SRPK1: variants seen among roughly 807,000 people sequenced by gnomAD.
SRPK1 encodes SRSF protein kinase 1.
Under a neutral mutation model 89.5 loss-of-function variants are expected in SRPK1, and 52 were observed. That is an observed-to-expected ratio of 0.58 (90% CI 0.46 to 0.73). SRPK1 has a LOEUF of 0.73. Among genes scored for constraint, SRPK1 ranks in the 30% least tolerant of loss-of-function variants. SRPK1 has a pLI of 0.00. For missense variants in SRPK1, 603 were observed against 780.6 expected (o/e 0.77, Z 2.71); for synonymous variants, 255 against 270.2 (o/e 0.94, Z 0.55).
At chr6:35,904,708 A>G (rs2127265317) in intron 2 of SRPK1, among the ~76,000 whole-genome samples, 1 of 152,272 alleles carries the variant, frequency 6.6e-6, no homozygotes, top group Middle Eastern at 3.4e-3. Context: ...CTAAGGCAGG[A>G]GAACTGCTTG....
At chr6:35,911,106 T>C (rs1770951747) in intron 2 of SRPK1, among the ~76,000 whole-genome samples, 1 of 152,248 alleles carries the variant, frequency 6.6e-6, no homozygotes, top group African/African-American at 2.4e-5. Context: ...AGGCAATAGC[T>C]ACCATAGTGA....
chr6:35,889,914 C>T (rs558856403), intron 3 of SRPK1, among the ~76,000 whole-genome samples: 48 of 148,514 alleles, frequency 3.2e-4, no homozygotes, highest in Non-Finnish European at 5.7e-4. Context: ...CTGGCTAACA[C>T]GGTGAAACCC....
rs375593671 is a variant in SRPK1, at chr6:35,885,779, T to C, written c.478+945A>G. Among the ~76,000 whole-genome samples the C allele has an allele frequency of 4.9e-4, 74 of 152,358 alleles. 2 individuals carry two copies. In the South Asian group the frequency reaches 0.013, roughly 27 times the overall value. On this transcript the variant is annotated intron_variant, in intron 6 of 15. Transcript: ENST00000373825. Reference sequence around the variant, plus strand: ...TGATTGACCTTTATAAGCACAGCTGTTGCAATAACCTTTCCATTAGCTCAC... The same window carrying C: ...TGATTGACCTTTATAAGCACAGCTGCTGCAATAACCTTTCCATTAGCTCAC...
At chr6:35,855,985 C>T (rs1769657220) in intron 13 of SRPK1, among the ~76,000 whole-genome samples, 1 of 137,322 alleles carries the variant, frequency 7.3e-6, no homozygotes, top group African/African-American at 2.5e-5. Flanking sequence ...CCTTGGCCTC[C>T]CAAAGTGCTG....
chr6:35,897,304 A>G (rs1414257029), intron 2 of SRPK1, among the ~76,000 whole-genome samples: 1 of 152,242 alleles, frequency 6.6e-6, no homozygotes, highest in South Asian at 2.1e-4. Flanking sequence ...CAAGTGAACT[A>G]TATCTTCCTC....
intron 15 of SRPK1, among the ~76,000 whole-genome samples, chr6:35,836,147 T>G (rs1769173902): frequency 6.6e-6 from 1 of 152,164 alleles, no homozygotes; most frequent in African/African-American, 2.4e-5. Flanking sequence ...CCACCTCCTG[T>G]CAGCTCAGTG....
intron 2 of SRPK1, among the ~76,000 whole-genome samples, chr6:35,892,208 G>A (rs1258729580): frequency 6.6e-6 from 1 of 152,100 alleles, no homozygotes; most frequent in African/African-American, 2.4e-5. Flanking sequence ...ATTTTATAAT[G>A]CATTAAAAAT....
chr6:35,852,130 C>T (rs9470138), intron 13 of SRPK1, among the ~76,000 whole-genome samples: 47,907 of 151,984 alleles, frequency 0.32, 7,785 homozygotes, highest in South Asian at 0.42. Flanking sequence ...AACTATAACT[C>T]CATCATTCCT....
chr6:35,908,112 G>A (rs1011859490), intron 2 of SRPK1, among the ~76,000 whole-genome samples: 1 of 152,144 alleles, frequency 6.6e-6, no homozygotes, highest in African/African-American at 2.4e-5. Flanking sequence ...CCGGTCTCAG[G>A]TAGTATTCTT....
Position 35,875,110 on chromosome 6 carries a change from C to T in SRPK1, c.479-771G>A, listed in dbSNP as rs79615816. Among the ~76,000 whole-genome samples the T allele has an allele frequency of 4.9e-4, 74 of 152,278 alleles. 1 individual carries two copies. In the East Asian group the frequency reaches 0.012, roughly 25 times the overall value. ...ATTCTCCATTAAAGGAAAGCCTGAG[C>T]TCCTTGGAAAAATGGCCAAATCCAA... On this transcript the variant is annotated intron_variant, in intron 6 of 15. Transcript: ENST00000373825.
In SRPK1 at chr6:35,853,010, T is replaced by C. The variant is rs540294659; in HGVS notation, c.1620+4251A>G. ...ATTCCAGTGCTTTGGGAGGCTGAGGTAGGATGATCGTTTGAAGCTAGGAGT... is the reference window on the plus strand; with the variant it reads ...ATTCCAGTGCTTTGGGAGGCTGAGGCAGGATGATCGTTTGAAGCTAGGAGT... On this transcript the variant is annotated intron_variant, in intron 13 of 15. Coordinates refer to ENST00000373825, the MANE Select transcript of SRPK1 (RefSeq NM_003137.5). Among the ~76,000 whole-genome samples the C allele has an allele frequency of 5.3e-5, 8 of 152,062 alleles. No homozygotes were observed. In the South Asian group the frequency reaches 1.7e-3, roughly 32 times the overall value.
At chr6:35,888,163 G>A in intron 4 of SRPK1, 52 bp from the exon 5 acceptor site, 3 of 1,269,316 alleles carry the variant, frequency 2.4e-6, no homozygotes, top group Admixed American at 5.0e-5. Context: ...CTTACTTTAG[G>A]AAGCTAAGAT....
chr6:35,896,864 A>G (rs1770635858), intron 2 of SRPK1, among the ~76,000 whole-genome samples: 1 of 152,240 alleles, frequency 6.6e-6, no homozygotes, highest in Non-Finnish European at 1.5e-5. Flanking sequence ...AACAAAATTC[A>G]TATATCTATA....
chr6:35,872,480 T>C (rs1448125788), intron 8 of SRPK1, 83 bp downstream of exon 8: 2 of 1,219,652 alleles, frequency 1.6e-6, no homozygotes, highest in Non-Finnish European at 2.2e-6. Context: ...GATTGAGTGG[T>C]GTTTAATTCC....
chr6:35,833,126 A>AT lies in SRPK1; in HGVS notation c.*2177dup, dbSNP rs752909987. On this transcript the variant is annotated 3_prime_UTR_variant, in exon 16 of 16. Transcript: ENST00000373825. Reference sequence around the variant, plus strand: ...AGAATAAAAATGTATTTAGGGCTTTATTTTTAACTGACAGCAAATAGAAAT... The same window carrying AT: ...AGAATAAAAATGTATTTAGGGCTTTATTTTTTAACTGACAGCAAATAGAAAT... 3 of 152,646 alleles carry AT rather than the reference A, an allele frequency of 2.0e-5. No homozygotes were observed. The highest frequency in any genetic ancestry group is 1.3e-4 in the Admixed American group (2 of 15,276). The allele number at this position is 152,646 out of a possible 1,614,324, so 9.5% of individuals were successfully genotyped here. A position where few individuals can be genotyped will look rare whatever the true frequency, so the allele number is the denominator to read the frequency against.
chr6:35,885,332 C>A (rs1368157212), intron 6 of SRPK1, among the ~76,000 whole-genome samples: 1 of 131,442 alleles, frequency 7.6e-6, no homozygotes, highest in Non-Finnish European at 1.6e-5. Context: ...GAGAGAGAGC[C>A]ATCTACAAAG....
At chr6:35,896,787 T>C (rs772977229) in intron 2 of SRPK1, among the ~76,000 whole-genome samples, 15 of 152,192 alleles carry the variant, frequency 9.9e-5, no homozygotes, top group Non-Finnish European at 1.5e-4. Context: ...AATATACAAA[T>C]ACAACATTAT....
rs1240655304 is a variant in SRPK1 at position 35,834,522 on chromosome 6, A to AC, written c.*781dup. ...ATACAAAAACAAAAAATAAAACAAA[A>AC]CAACCAACCAAAATAACTCTGGTCT... On this transcript the variant is annotated 3_prime_UTR_variant, in exon 16 of 16. Transcript: ENST00000373825. The AC allele has an allele frequency of 6.6e-6, 1 of 152,310 alleles. No homozygotes were observed. Among genetic ancestry groups the AC allele is most frequent in the African/African-American group, 2.4e-5 (1 of 41,564 alleles). 9.4% of individuals were successfully genotyped at this position (152,310 alleles called of 1,614,324 possible). A position where few individuals can be genotyped will look rare whatever the true frequency, so the allele number is the denominator to read the frequency against.
chr6:35,865,944 G>GA (rs1486868827), intron 12 of SRPK1, among the ~76,000 whole-genome samples: 12 of 151,394 alleles, frequency 7.9e-5, no homozygotes, highest in Non-Finnish European at 1.8e-4. Context: ...CAAAATGGGA[G>GA]AAAAAAATCT....
Sources: allele counts gnomAD v4.1 joint callset (sites outside exome capture counted in the v4.1 genomes callset), GRCh38; gene constraint gnomAD v4.1.1; transcripts MANE v1.5; gene names NCBI Gene and HGNC (gene_info 2026-07-23, HGNC 2026-07-21).